The following DPP10 variants were observed in gnomAD, a reference collection of about 807,000 sequenced individuals.
DPP10 encodes the protein inactive dipeptidyl peptidase 10.
A neutral mutation model predicts 120.9 loss-of-function variants in DPP10; 33 were observed. That is an observed-to-expected ratio of 0.27 (90% CI 0.21 to 0.37). The LOEUF is 0.37. DPP10 is among the 10% of genes least tolerant of loss of function. The pLI is 1.00. For missense variants in DPP10, 816 were observed against 942.8 expected (o/e 0.87, Z 1.76); for synonymous variants, 337 against 326.1 (o/e 1.03, Z -0.36).
At chr2:114,853,139 G>A (rs759360921) in intron 1 of DPP10, among the ~76,000 whole-genome samples, 8 of 152,142 alleles carry the variant, frequency 5.3e-5, no homozygotes, top group Non-Finnish European at 1.2e-4. Context: ...TGGTGATAGA[G>A]GTCAGAATAG....
chr2:115,835,906 T>A (rs539091970), intron 21 of DPP10, among the ~76,000 whole-genome samples: 1 of 152,010 alleles, frequency 6.6e-6, no homozygotes. Flanking sequence ...ATTTTATATT[T>A]TACTTAAGGC....
At chr2:114,496,046 A>G (rs979627713) in intron 1 of DPP10, among the ~76,000 whole-genome samples, 1 of 152,202 alleles carries the variant, frequency 6.6e-6, no homozygotes, top group African/African-American at 2.4e-5. Context: ...AGATATTTTA[A>G]CAGAGGAAAG....
Position 115,140,032 on chromosome 2 carries a change from T to C in DPP10, c.61-169207T>C, listed in dbSNP as rs748604131. ...ACTTAGGGCATGAACGTGAAAAAAA[T>C]AGACCAAAGTTTTGAGGTGTGGGGT... On this transcript the variant is annotated intron_variant, in intron 1 of 25. Coordinates refer to ENST00000410059, the MANE Select transcript of DPP10 (RefSeq NM_020868.6). Among the ~76,000 whole-genome samples, 178 of 152,038 alleles carry C rather than the reference T, an allele frequency of 1.2e-3. 1 individual carries two copies. The highest frequency in any genetic ancestry group is 1.8e-3 in the Admixed American group (27 of 15,268).
Position 115,426,554 on chromosome 2 carries a change from C to T in DPP10, c.272-72956C>T, listed in dbSNP as rs972441061. ...GTGCCACCTCCGACGCTGGAGATGA[C>T]ATTTCAACATGAGATTCTCACCAGG... is the stretch of plus-strand genomic sequence containing the variant. On this transcript the variant is annotated intron_variant, in intron 3 of 25. Transcript: ENST00000410059. 9.4e-5 allele frequency among the ~76,000 whole-genome samples: 10 copies of T among 106,208 alleles called. 1 individual carries two copies. The East Asian group carries it at 2.4e-3, about 25-fold the overall frequency. 69.7% of individuals were successfully genotyped at this position (106,208 alleles called of 152,430 possible).
intron 3 of DPP10, among the ~76,000 whole-genome samples, chr2:115,377,436 T>C (rs2065899237): frequency 6.6e-6 from 1 of 152,248 alleles, no homozygotes; most frequent in Admixed American, 6.5e-5. Flanking sequence ...AAGTTCATTG[T>C]ACATTCTGGA....
intron 1 of DPP10, among the ~76,000 whole-genome samples, chr2:114,942,320 TAC>T (rs1194601135): frequency 3.2e-5 from 4 of 123,976 alleles, no homozygotes; most frequent in Admixed American, 9.0e-5. Flanking sequence ...TATATATATA[TAC>T]ACACACATAT....
At chr2:114,844,937 A>C (rs1688426700) in intron 1 of DPP10, among the ~76,000 whole-genome samples, 1 of 152,130 alleles carries the variant, frequency 6.6e-6, no homozygotes, top group Non-Finnish European at 1.5e-5. Context: ...CCCAGTAGAC[A>C]CCTTCCCTTC....
chr2:115,824,491 G>A (rs1292204283), intron 21 of DPP10, among the ~76,000 whole-genome samples: 1 of 151,882 alleles, frequency 6.6e-6, no homozygotes, highest in Non-Finnish European at 1.5e-5. Context: ...CCCCCAACAG[G>A]CACCAGTGTG....
intron 1 of DPP10, among the ~76,000 whole-genome samples, chr2:115,005,046 G>A (rs1375662310): frequency 1.3e-5 from 2 of 152,070 alleles, no homozygotes; most frequent in African/African-American, 2.4e-5. Flanking sequence ...GCCTCCTCAA[G>A]TGGGTCCCTG....
intron 1 of DPP10, among the ~76,000 whole-genome samples, chr2:115,128,664 T>C (rs1305820287): frequency 6.6e-6 from 1 of 152,238 alleles, no homozygotes. Context: ...GTGGTTTTAA[T>C]ATAAGGAATT....
At position 115,038,918 on chromosome 2, in the gene DPP10, G is replaced by C. The variant is rs944744700; in HGVS notation, c.61-270321G>C. Among the ~76,000 whole-genome samples, 4 of 152,272 alleles carry C rather than the reference G, an allele frequency of 2.6e-5. No homozygotes were observed. The South Asian group carries it at 8.3e-4, about 32-fold the overall frequency. On this transcript the variant is annotated intron_variant, in intron 1 of 25. Coordinates refer to ENST00000410059, the MANE Select transcript of DPP10 (RefSeq NM_020868.6). Reference sequence around the variant, plus strand: ...CTAATGCTCAGATTTCTGGGACTCAGATCACCGAAGCCCTTAATCAAACAA... The same window carrying C: ...CTAATGCTCAGATTTCTGGGACTCACATCACCGAAGCCCTTAATCAAACAA...
At chr2:114,783,911 C>G (rs1047474513) in intron 1 of DPP10, among the ~76,000 whole-genome samples, 1 of 152,008 alleles carries the variant, frequency 6.6e-6, no homozygotes, top group South Asian at 2.1e-4. Flanking sequence ...AGTTTTTCCC[C>G]TAGACAGAGC....
intron 1 of DPP10, among the ~76,000 whole-genome samples, chr2:115,224,610 G>T (rs2057342880): frequency 6.6e-6 from 1 of 152,058 alleles, no homozygotes; most frequent in African/African-American, 2.4e-5. Context: ...GTACAACATG[G>T]TGATTGTAGT....
At chr2:115,037,764 C>A (rs1343724419) in intron 1 of DPP10, among the ~76,000 whole-genome samples, 5 of 152,190 alleles carry the variant, frequency 3.3e-5, no homozygotes, top group Non-Finnish European at 7.3e-5. Context: ...TGAGAAAGGA[C>A]AACGGTATCT....
intron 1 of DPP10, among the ~76,000 whole-genome samples, chr2:114,766,362 T>C (rs1184026384): frequency 6.6e-6 from 1 of 152,168 alleles, no homozygotes; most frequent in Non-Finnish European, 1.5e-5. Context: ...ATGATACAGC[T>C]ACTCTGGAAA....
intron 21 of DPP10, among the ~76,000 whole-genome samples, chr2:115,821,727 A>T (rs1199791370): frequency 6.6e-6 from 1 of 151,662 alleles, no homozygotes; most frequent in African/African-American, 2.4e-5. Flanking sequence ...GTTCAATTAT[A>T]TTGCTGAGAA....
intron 23 of DPP10, 45 bp from the exon 24 acceptor site, chr2:115,836,629 C>G (rs142854821): frequency 3.7e-6 from 6 of 1,608,958 alleles, no homozygotes; most frequent in Non-Finnish European, 4.2e-6. Context: ...AGTTAAATGG[C>G]TTATTTAGAT....
chr2:115,259,853 T>G (rs1356321956), intron 1 of DPP10, among the ~76,000 whole-genome samples: 1 of 152,086 alleles, frequency 6.6e-6, no homozygotes, highest in Non-Finnish European at 1.5e-5. Flanking sequence ...TAGCATAATT[T>G]TATTATCTAT....
chr2:115,218,884 A>G (rs1444645096), intron 1 of DPP10, among the ~76,000 whole-genome samples: 1 of 152,062 alleles, frequency 6.6e-6, no homozygotes, highest in East Asian at 1.9e-4. Flanking sequence ...TTTATAATAC[A>G]TTTTTACTAA....
Sources: allele counts gnomAD v4.1 joint callset (sites outside exome capture counted in the v4.1 genomes callset), GRCh38; gene constraint gnomAD v4.1.1; transcripts MANE v1.5; gene names NCBI Gene and HGNC (gene_info 2026-07-23, HGNC 2026-07-21).